The following PPM1F variants were observed in gnomAD, a reference collection of about 807,000 sequenced individuals.
PPM1F encodes the protein protein phosphatase 1F.
Under a neutral mutation model 35.5 loss-of-function variants are expected in PPM1F, and 17 were observed. The observed-to-expected ratio is 0.48, with a 90% confidence interval of 0.33 to 0.72. The LOEUF is 0.72. PPM1F is among the 30% of genes least tolerant of loss of function. The pLI is 0.02. For missense variants in PPM1F, 521 were observed against 613.0 expected, an observed-to-expected ratio of 0.85 and a Z score of 1.59; for synonymous variants, 241 against 255.5, an observed-to-expected ratio of 0.94 and a Z score of 0.54.
Position 21,920,903 on chromosome 22 carries a change from G to A in PPM1F, c.*2189C>T, listed in dbSNP as rs545283365. On this transcript the variant is annotated 3_prime_UTR_variant, in exon 8 of 8. Transcript: ENST00000263212. The stretch of plus-strand genomic sequence containing the variant: ...CGGGCAGGGTGGGCTAGTGGTGAGG[G>A]TGGAGCTGCGTCCCTGACCCCCAGA... 6.6e-6 allele frequency: 1 copy of A among 152,368 alleles called. No individual in the cohort carries two copies. Among genetic ancestry groups the A allele is most frequent in the Admixed American group, 6.5e-5 (1 of 15,310 alleles). The allele number at this position is 152,368 out of a possible 1,614,324, so 9.4% of individuals were successfully genotyped here. A position where few individuals can be genotyped will look rare whatever the true frequency, so the allele number is the denominator to read the frequency against.
rs184669192 is a variant in PPM1F, at chr22:21,920,554, G to A, written c.*2538C>T. On this transcript the variant is annotated 3_prime_UTR_variant, in exon 8 of 8. Transcript: ENST00000263212. ...TGCAGGGGTGGACGAGGGCTCCCTC[G>A]GCCCCAAGGCAAGGGCGGAGCAGCT... 2.6e-5 allele frequency: 4 copies of A among 152,518 alleles called. No individual in the cohort carries two copies. The highest frequency in any genetic ancestry group is 7.2e-5 in the African/African-American group (3 of 41,574). The allele number at this position is 152,518 out of a possible 1,614,324, so 9.4% of individuals were successfully genotyped here.
chr22:21,951,903 G>A (rs1404646428), intron 1 of PPM1F: 1 of 152,256 alleles, frequency 6.6e-6, no homozygotes, highest in Non-Finnish European at 1.5e-5. Context: ...CGTGCAGGAG[G>A]AAAAGAGCGA....
At chr22:21,930,125 C>T (rs952978129) in intron 6 of PPM1F, among the ~76,000 whole-genome samples, 9 of 152,198 alleles carry the variant, frequency 5.9e-5, no homozygotes, top group African/African-American at 1.2e-4. Context: ...TTTGAAAACA[C>T]GCTCAAACTC....
chr22:21,924,214 C>T (rs936081277), intron 7 of PPM1F, among the ~76,000 whole-genome samples: 2 of 151,682 alleles, frequency 1.3e-5, no homozygotes, highest in East Asian at 3.9e-4. Context: ...GTGCCCACAG[C>T]CTGAGACCCG....
rs1003383841 is a variant in PPM1F at position 21,919,655 on chromosome 22, T to C, written c.*3437A>G. 3.3e-5 allele frequency: 5 copies of C among 151,464 alleles called. No individual in the cohort carries two copies. Among genetic ancestry groups the C allele is most frequent in the African/African-American group, 1.2e-4 (5 of 41,150 alleles). The allele number at this position is 151,464 out of a possible 1,614,324, so 9.4% of individuals were successfully genotyped here. ...ACCGGAATGGCAGAGCTCCGTGCAT[T>C]TGGCAAAGCTATGGAGCCTTGGCAG... On this transcript the variant is annotated 3_prime_UTR_variant, in exon 8 of 8. Coordinates refer to ENST00000263212, the MANE Select transcript of PPM1F (RefSeq NM_014634.4).
rs201567641 is a variant in PPM1F at position 21,919,875 on chromosome 22, TAGGAGAGGAG to T, written c.*3207_*3216del. ...CCCGGTGCCCACGCTGGGCTCACCATAGGAGAGGAGAGGAGAGGGAGGGGGCCCCATACTG... is the reference window on the plus strand; with the variant it reads ...CCCGGTGCCCACGCTGGGCTCACCATAGGAGAGGGAGGGGGCCCCATACTG... On this transcript the variant is annotated 3_prime_UTR_variant, in exon 8 of 8. Coordinates refer to ENST00000263212, the MANE Select transcript of PPM1F (RefSeq NM_014634.4). The T allele has an allele frequency of 6.6e-6, 1 of 152,336 alleles. No individual in the cohort carries two copies. The highest frequency in any genetic ancestry group is 1.5e-5 in the Non-Finnish European group (1 of 68,158). The allele number at this position is 152,336 out of a possible 1,614,324, so 9.4% of individuals were successfully genotyped here. A position where few individuals can be genotyped will look rare whatever the true frequency, so the allele number is the denominator to read the frequency against.
At chr22:21,947,422 C>T (rs1324757221) in intron 1 of PPM1F, 1 of 152,186 alleles carries the variant, frequency 6.6e-6, no homozygotes, top group Admixed American at 6.5e-5. Flanking sequence ...GGCTGGGAAA[C>T]TTTATTCAGC....
chr22:21,938,555 C>G, intron 3 of PPM1F: 3 of 1,046,628 alleles, frequency 2.9e-6, no homozygotes, highest in Non-Finnish European at 3.5e-6. Flanking sequence ...CACGCATGCA[C>G]TAGTAATGCC....
intron 1 of PPM1F, chr22:21,948,604 G>GC (rs2070803002): frequency 6.6e-6 from 1 of 152,282 alleles, no homozygotes; most frequent in African/African-American, 2.4e-5. Flanking sequence ...GACTGCCCTG[G>GC]CCCCTGGAGC....
chr22:21,944,937 G>C (rs1601792091), intron 2 of PPM1F: 1 of 152,270 alleles, frequency 6.6e-6, no homozygotes, highest in Admixed American at 6.5e-5. Context: ...TGTGGAAGGG[G>C]GACAGTGCCA....
chr22:21,950,094 G>A (rs2070819631), intron 1 of PPM1F: 1 of 152,358 alleles, frequency 6.6e-6, no homozygotes, highest in Admixed American at 6.5e-5. Flanking sequence ...GGGAACCTGG[G>A]CCTTAACTGT....
At chr22:21,945,639 A>G (rs2070769012) in intron 2 of PPM1F, 4 of 554,338 alleles carry the variant, frequency 7.2e-6, no homozygotes, top group African/African-American at 2.0e-5. Flanking sequence ...GCCCTGTGAA[A>G]GAATGAGCTT....
chr22:21,932,107 C>A (rs1473772456), intron 5 of PPM1F, among the ~76,000 whole-genome samples: 1 of 151,872 alleles, frequency 6.6e-6, no homozygotes, highest in Non-Finnish European at 1.5e-5. Flanking sequence ...CATGAGCCAC[C>A]GCGCCTGGCC....
rs1239777630 is a variant in PPM1F at position 21,923,079 on chromosome 22, G to T, written c.*13C>A. The T allele has an allele frequency of 1.3e-6, 2 of 1,585,188 alleles. No homozygotes were observed. Among genetic ancestry groups the T allele is most frequent in the South Asian group, 2.3e-5 (2 of 87,358 alleles). On this transcript the variant is annotated 3_prime_UTR_variant, in exon 8 of 8. Coordinates refer to ENST00000263212, the MANE Select transcript of PPM1F (RefSeq NM_014634.4). Reference sequence around the variant, plus strand: ...GGATGGGAGGAAGGGGAGGGCAGGGGCCTGGAAACCACCTAGCTTCTTGGT... The same window carrying T: ...GGATGGGAGGAAGGGGAGGGCAGGGTCCTGGAAACCACCTAGCTTCTTGGT...
chr22:21,926,698 G>A (rs1169522801), intron 6 of PPM1F, among the ~76,000 whole-genome samples: 1 of 152,158 alleles, frequency 6.6e-6, no homozygotes, highest in African/African-American at 2.4e-5. Context: ...AAGTCTACTG[G>A]GGGAAGAGGG....
intron 5 of PPM1F, among the ~76,000 whole-genome samples, chr22:21,931,502 GTTTATTTA>G (rs58214157): frequency 1.7e-4 from 25 of 151,416 alleles, no homozygotes; most frequent in East Asian, 1.4e-3. Context: ...CAATAAAGAT[GTTTATTTA>G]TTTATTTATT....
At chr22:21,941,084 G>C (rs1385300323) in intron 2 of PPM1F, 3 of 152,262 alleles carry the variant, frequency 2.0e-5, no homozygotes, top group Non-Finnish European at 4.4e-5. Context: ...CAGCTAATCT[G>C]TAAATTTTTT....
chr22:21,929,158 AG>A (rs2070557692), intron 6 of PPM1F, among the ~76,000 whole-genome samples: 1 of 152,126 alleles, frequency 6.6e-6, no homozygotes, highest in South Asian at 2.1e-4. Flanking sequence ...TTTTTGTGGG[AG>A]AACCTTGGCC....
At chr22:21,930,772 A>T (rs546132553) in intron 6 of PPM1F, among the ~76,000 whole-genome samples, 78 of 152,260 alleles carry the variant, frequency 5.1e-4, no homozygotes, top group Admixed American at 4.4e-3. Flanking sequence ...TACAGCCCCA[A>T]GCCAGGTTCC....
Sources: allele counts gnomAD v4.1 joint callset (sites outside exome capture counted in the v4.1 genomes callset), GRCh38; gene constraint gnomAD v4.1.1; transcripts MANE v1.5; gene names NCBI Gene and HGNC (gene_info 2026-07-23, HGNC 2026-07-21).